FAM161A: variants seen among roughly 807,000 people sequenced by gnomAD.
FAM161A encodes protein FAM161A.
Under a neutral mutation model 70.9 loss-of-function variants are expected in FAM161A, and 57 were observed. The ratio of observed to expected loss-of-function variants is 0.80; its 90% CI spans 0.65 to 1.00. FAM161A has a LOEUF of 1.00. FAM161A is among the 50% of genes least tolerant of loss of function. The probability of loss-of-function intolerance (pLI) is 0.00; values close to 1 mark genes in which losing one functional copy is unlikely to be tolerated. For synonymous variants in FAM161A, 299 were observed against 295.7 expected (o/e 1.01, Z -0.12); for missense variants, 880 against 836.0 (o/e 1.05, Z -0.65).
At chr2:61,811,107 T>C in the FAM161A span, among the ~76,000 whole-genome samples, 1 of 136,804 alleles carries the variant, frequency 7.3e-6, no homozygotes, top group South Asian at 2.2e-4. Flanking sequence ...TTGAAACATA[T>C]CCTGAATCCA....
chr2:61,830,590 A>G (rs1672530573), intron 5 of FAM161A, among the ~76,000 whole-genome samples: 1 of 149,944 alleles, frequency 6.7e-6, no homozygotes, highest in Admixed American at 6.7e-5. Context: ...AGACTGAGGC[A>G]GGAGAATCAC....
chr2:61,845,191 A>G (rs1673161371), intron 1 of FAM161A, among the ~76,000 whole-genome samples: 1 of 152,174 alleles, frequency 6.6e-6, no homozygotes, highest in South Asian at 2.1e-4. Flanking sequence ...ATGTTGGAGA[A>G]CACCAACATT....
chr2:61,809,691 T>A, the FAM161A span, among the ~76,000 whole-genome samples: 1 of 152,200 alleles, frequency 6.6e-6, no homozygotes. Context: ...CAATGTGACT[T>A]TGACTTCCCT....
the FAM161A span, among the ~76,000 whole-genome samples, chr2:61,812,444 A>G: frequency 6.6e-6 from 1 of 152,208 alleles, no homozygotes; most frequent in Non-Finnish European, 1.5e-5. Flanking sequence ...ACTTTAGTCC[A>G]GGCGTGGTGG....
At chr2:61,805,832 G>GT in the FAM161A span, among the ~76,000 whole-genome samples, 43 of 149,660 alleles carry the variant, frequency 2.9e-4, no homozygotes, top group South Asian at 4.3e-4. Context: ...TTATTGCTAG[G>GT]TTTTTTTTTT....
At position 61,840,222 on chromosome 2, in the gene FAM161A, T is replaced by C; in HGVS notation, c.782A>G (p.Asp261Gly). 6.2e-7 allele frequency: 1 copy of C among 1,613,940 alleles called. No homozygotes were observed. Among genetic ancestry groups the C allele is most frequent in the Non-Finnish European group, 8.5e-7 (1 of 1,179,986 alleles). ...KKEESMKSKS[D>G]IEMVHKALKK... Reference sequence around the variant, plus strand: ...GAGCGCTTTATGTACCATTTCGATATCTGATTTAGATTTCATGGACTCTTC... The same window carrying C: ...GAGCGCTTTATGTACCATTTCGATACCTGATTTAGATTTCATGGACTCTTC... The change falls in exon 3 of 7, where the codon GAT becomes GGT. Residue 261 changes from aspartate to glycine, a missense_variant. Asp to Gly is a moderately conservative substitution (Grantham distance 94). Transcript: ENST00000404929.
At chr2:61,824,730 T>C, downstream of FAM161A, 1 of 271,668 alleles carries the variant, frequency 3.7e-6, no homozygotes, top group Non-Finnish European at 7.2e-6. Context: ...AAGTAATGTT[T>C]TAAGTACTAT....
chr2:61,824,718 G>A (rs1315147980), downstream of FAM161A: 2 of 247,468 alleles, frequency 8.1e-6, no homozygotes, highest in Non-Finnish European at 1.6e-5. Context: ...ATCCTTGAAA[G>A]CAAGTAATGT....
At chr2:61,832,577 G>A (rs369416133) in intron 5 of FAM161A, among the ~76,000 whole-genome samples, 5 of 152,180 alleles carry the variant, frequency 3.3e-5, no homozygotes, top group African/African-American at 1.2e-4. Context: ...TCCCTACCAC[G>A]AACTAGGTAC....
intron 1 of FAM161A, among the ~76,000 whole-genome samples, chr2:61,843,379 G>A (rs1309183738): frequency 1.3e-5 from 2 of 152,018 alleles, no homozygotes; most frequent in African/African-American, 2.4e-5. Context: ...TACTCGCCTC[G>A]GCCTCTCAAA....
chr2:61,800,663 A>G, the FAM161A span, among the ~76,000 whole-genome samples: 1 of 149,088 alleles, frequency 6.7e-6, no homozygotes, highest in Non-Finnish European at 1.5e-5. Context: ...TGGGCATTCA[A>G]TATTTTAAGT....
chr2:61,818,183 G>A, the FAM161A span, among the ~76,000 whole-genome samples: 1 of 151,524 alleles, frequency 6.6e-6, no homozygotes, highest in Non-Finnish European at 1.5e-5. Context: ...AGCCTCCTGA[G>A]TAGCTGGGAT....
the FAM161A span, among the ~76,000 whole-genome samples, chr2:61,813,718 C>CAAAAAAAAAAAAA: frequency 4.6e-5 from 4 of 86,990 alleles, no homozygotes; most frequent in African/African-American, 8.8e-5. Flanking sequence ...GACCCTGTCT[C>CAAAAAAAAAAAAA]AAAAAAAAAA....
In FAM161A at chr2:61,839,894, AT is replaced by A. The variant is rs777579457; in HGVS notation, c.1109del (p.Asn370MetfsTer4). ...AGAGCTCTTCTTCTTTTAACTTGTC[AT>A]TGGTAGTTGAACCATAAGTAGATCG... ...IPRSTYGSTT[N>X]DKLKEEELYR... On this transcript the variant is annotated frameshift_variant, in exon 3 of 7. Coordinates refer to ENST00000404929, the MANE Select transcript of FAM161A (RefSeq NM_001201543.2). LOFTEE classifies it high-confidence loss of function. 1.2e-6 allele frequency: 2 copies of A among 1,614,182 alleles called. No individual in the cohort carries two copies. The highest frequency in any genetic ancestry group is 1.7e-6 in the Non-Finnish European group (2 of 1,180,034).
At chr2:61,818,066 T>C in the FAM161A span, among the ~76,000 whole-genome samples, 1 of 87,946 alleles carries the variant, frequency 1.1e-5, no homozygotes, top group Admixed American at 1.1e-4. Flanking sequence ...TTCAGATCCT[T>C]TTTTTTTTTT....
chr2:61,836,996 G>A (rs772495392), intron 4 of FAM161A: 22 of 154,340 alleles, frequency 1.4e-4, no homozygotes, highest in Non-Finnish European at 2.5e-4. Flanking sequence ...TCTCGAGTAG[G>A]TGGAACTACA....
intron 1 of FAM161A, 93 bp downstream of exon 1, chr2:61,853,766 C>T: frequency 1.4e-6 from 2 of 1,454,334 alleles, no homozygotes; most frequent in Non-Finnish European, 1.9e-6. Flanking sequence ...CCCGCGTTTA[C>T]CAGCCTGCCC....
intron 5 of FAM161A, among the ~76,000 whole-genome samples, chr2:61,827,695 C>A (rs938889297): frequency 2.6e-5 from 4 of 151,970 alleles, no homozygotes; most frequent in Non-Finnish European, 5.9e-5. Context: ...TCTGCATACC[C>A]TATGACCAAC....
At chr2:61,822,485 G>T (rs930291805), downstream of FAM161A, among the ~76,000 whole-genome samples, 2 of 152,036 alleles carry the variant, frequency 1.3e-5, no homozygotes, top group African/African-American at 2.4e-5. Context: ...ACAATAACTT[G>T]CTCCCTTCTA....
Sources: allele counts gnomAD v4.1 joint callset (sites outside exome capture counted in the v4.1 genomes callset), GRCh38; gene constraint gnomAD v4.1.1; transcripts MANE v1.5; gene names NCBI Gene and HGNC (gene_info 2026-07-23, HGNC 2026-07-21).